BTBD9: variants seen among roughly 807,000 people sequenced by gnomAD.
The protein encoded by BTBD9 is BTB domain containing 9, also known as BTB/POZ domain-containing protein 9.
Under a neutral mutation model 64.3 loss-of-function variants are expected in BTBD9, and 49 were observed. The ratio of observed to expected loss-of-function variants is 0.76; its 90% CI spans 0.61 to 0.97. BTBD9 has a LOEUF of 0.97. Ranked by LOEUF, BTBD9 falls within the 50% of genes least tolerant of loss-of-function variation. The pLI, the probability that BTBD9 is intolerant of heterozygous loss-of-function variation, is 0.00. For synonymous variants in BTBD9, 260 were observed against 274.7 expected (o/e 0.95, Z 0.53); for missense variants, 598 against 762.1 (o/e 0.78, Z 2.53).
chr6:38,471,741 T>C (rs1376303657), intron 6 of BTBD9, among the ~76,000 whole-genome samples: 5 of 152,148 alleles, frequency 3.3e-5, no homozygotes, highest in African/African-American at 1.2e-4. Flanking sequence ...CCTACACCTT[T>C]CATCCCTGAA....
chr6:38,607,109 A>T (rs1378482589), intron 1 of BTBD9, among the ~76,000 whole-genome samples: 2 of 152,320 alleles, frequency 1.3e-5, no homozygotes, highest in East Asian at 3.9e-4. Context: ...TTATACATAC[A>T]TGTACTTTGC....
rs1024055238 is a variant in BTBD9 at position 38,304,605 on chromosome 6, C to T, written c.1265-16144G>A. 7.9e-5 allele frequency among the ~76,000 whole-genome samples: 12 copies of T among 151,576 alleles called. No homozygotes were observed. The East Asian group carries it at 2.1e-3, about 27-fold the overall frequency. On this transcript the variant is annotated intron_variant, in intron 7 of 10. Coordinates refer to ENST00000481247, the MANE Select transcript of BTBD9 (RefSeq NM_001099272.2). ...CAAAAGAATACCATCTCTCTTAATT[C>T]TTTTTTTGTTTGTTTGTTTATAAAG... is the stretch of plus-strand genomic sequence containing the variant.
intron 7 of BTBD9, among the ~76,000 whole-genome samples, chr6:38,324,766 T>C (rs1029548966): frequency 6.6e-6 from 1 of 152,170 alleles, no homozygotes; most frequent in African/African-American, 2.4e-5. Context: ...ATTAAATATG[T>C]GCATACTTTA....
chr6:38,184,185 A>G lies in BTBD9; in HGVS notation c.1641+8334T>C, dbSNP rs756212696. 6.6e-6 allele frequency among the ~76,000 whole-genome samples: 1 copy of G among 152,164 alleles called. No individual in the cohort carries two copies. Among genetic ancestry groups the G allele is most frequent in the Non-Finnish European group, 1.5e-5 (1 of 68,020 alleles). ...CTCGTGGTATCCCGTTGGGTTCAGG[A>G]TGAACAAGGCTGCGGTGACAGCATC... On this transcript the variant is annotated intron_variant, in intron 10 of 10. Coordinates refer to ENST00000481247, the MANE Select transcript of BTBD9 (RefSeq NM_001099272.2). The surrounding 1 kb of genome is among the most constrained non-coding windows in gnomAD (Gnocchi z 4.4).
chr6:38,355,663 C>T (rs1764699223), intron 6 of BTBD9, among the ~76,000 whole-genome samples: 1 of 152,200 alleles, frequency 6.6e-6, no homozygotes, highest in Non-Finnish European at 1.5e-5. Context: ...GTCGTTGCTA[C>T]TGCTGTGCTG....
At chr6:38,572,971 T>G (rs1200334652) in intron 6 of BTBD9, among the ~76,000 whole-genome samples, 1 of 151,946 alleles carries the variant, frequency 6.6e-6, no homozygotes, top group Admixed American at 6.6e-5. Context: ...GTTAACAAAT[T>G]TCATATATGA....
intron 8 of BTBD9, among the ~76,000 whole-genome samples, chr6:38,266,297 G>C (rs1764969361): frequency 6.6e-6 from 1 of 152,126 alleles, no homozygotes; most frequent in South Asian, 2.1e-4. Context: ...TCTCAGCCAG[G>C]CACGGTGGCT....
intron 6 of BTBD9, among the ~76,000 whole-genome samples, chr6:38,363,565 A>G (rs1001024718): frequency 2.0e-5 from 3 of 152,328 alleles, no homozygotes; most frequent in Admixed American, 6.5e-5. Flanking sequence ...CTTGGGTGAC[A>G]AAGACCCTGT....
At chr6:38,190,859 T>TG (rs1464427355) in intron 10 of BTBD9, among the ~76,000 whole-genome samples, 1 of 152,256 alleles carries the variant, frequency 6.6e-6, no homozygotes, top group Admixed American at 6.5e-5. Flanking sequence ...AAGAAGGCCC[T>TG]GGGCAGACTT....
At chr6:38,256,342 A>T (rs548341228) in intron 9 of BTBD9, 67 bp downstream of exon 9, 22 of 1,153,544 alleles carry the variant, frequency 1.9e-5, no homozygotes, top group Middle Eastern at 4.1e-4. Context: ...TTTTCTTTTG[A>T]GCCTCCCAAT....
chr6:38,615,975 T>C (rs981917702), intron 1 of BTBD9, among the ~76,000 whole-genome samples: 3 of 152,090 alleles, frequency 2.0e-5, no homozygotes, highest in Admixed American at 1.3e-4. Context: ...TCCCCTCCCC[T>C]TGAGAGTGGG....
At chr6:38,513,281 AC>A (rs559132248) in intron 6 of BTBD9, among the ~76,000 whole-genome samples, 110 of 152,232 alleles carry the variant, frequency 7.2e-4, no homozygotes, top group African/African-American at 2.6e-3. Flanking sequence ...CCCCGTCTCT[AC>A]TAAAAATACA....
chr6:38,190,191 C>T (rs777989157), intron 10 of BTBD9, among the ~76,000 whole-genome samples: 7 of 151,606 alleles, frequency 4.6e-5, no homozygotes, highest in African/African-American at 9.7e-5. Flanking sequence ...CCTGGCCCAG[C>T]GTGGTGGCTC....
chr6:38,299,859 C>T (rs1444626006), intron 7 of BTBD9, among the ~76,000 whole-genome samples: 14 of 151,984 alleles, frequency 9.2e-5, no homozygotes, highest in Non-Finnish European at 8.8e-5. Flanking sequence ...CTCTTTAGTT[C>T]AATTAGATCC....
At chr6:38,434,685 C>T (rs1228744031) in intron 6 of BTBD9, among the ~76,000 whole-genome samples, 1 of 151,950 alleles carries the variant, frequency 6.6e-6, no homozygotes, top group African/African-American at 2.4e-5. Context: ...TTTTTGTCAA[C>T]AAAAGACTGA....
At chr6:38,221,115 T>C (rs186267581) in intron 9 of BTBD9, among the ~76,000 whole-genome samples, 1 of 152,302 alleles carries the variant, frequency 6.6e-6, no homozygotes, top group East Asian at 1.9e-4. Context: ...GGAGACAGAA[T>C]CATCCTCCCC....
intron 6 of BTBD9, among the ~76,000 whole-genome samples, chr6:38,515,706 T>C (rs997423227): frequency 6.6e-6 from 1 of 152,226 alleles, no homozygotes. Context: ...AGAGATATTA[T>C]GTCTATTATT....
chr6:38,186,362 T>G (rs191060822), intron 10 of BTBD9, among the ~76,000 whole-genome samples: 98 of 152,336 alleles, frequency 6.4e-4, no homozygotes, highest in Admixed American at 1.8e-3. Context: ...TAATGATGAT[T>G]ATTATAAGGG....
At chr6:38,387,561 C>CAAT (rs2127619689) in intron 6 of BTBD9, among the ~76,000 whole-genome samples, 1 of 151,880 alleles carries the variant, frequency 6.6e-6, no homozygotes, top group East Asian at 1.9e-4. Context: ...ACAACAATAA[C>CAAT]AATAATAATA....
Sources: allele counts gnomAD v4.1 joint callset (sites outside exome capture counted in the v4.1 genomes callset), GRCh38; gene constraint gnomAD v4.1.1; non-coding constraint Gnocchi (gnomAD v3.1); transcripts MANE v1.5; gene names NCBI Gene and HGNC (gene_info 2026-07-23, HGNC 2026-07-21).